PCDH15: variants seen among roughly 807,000 people sequenced by gnomAD.
PCDH15 encodes the protein protocadherin-15.
A neutral mutation model predicts 178.5 loss-of-function variants in PCDH15; 129 were observed. The ratio of observed to expected loss-of-function variants is 0.72; its 90% CI spans 0.63 to 0.84. PCDH15 has a LOEUF of 0.84. Ranked by LOEUF, PCDH15 falls within the 40% of genes least tolerant of loss-of-function variation. The pLI, the probability that PCDH15 is intolerant of heterozygous loss-of-function variation, is 0.00. For missense variants in PCDH15, 2,230 were observed against 2,099.9 expected (o/e 1.06, Z -1.21); for synonymous variants, 800 against 732.0 (o/e 1.09, Z -1.50).
chr10:54,299,483 T>G (rs965821140), intron 8 of PCDH15, among the ~76,000 whole-genome samples: 3 of 152,248 alleles, frequency 2.0e-5, no homozygotes, highest in African/African-American at 7.2e-5. Flanking sequence ...TGTAACCCTA[T>G]AACACTCCAA....
At chr10:54,022,830 C>A in intron 19 of PCDH15, 62 bp downstream of exon 19, 1 of 1,572,718 alleles carries the variant, frequency 6.4e-7, no homozygotes, top group Non-Finnish European at 8.7e-7. Context: ...TTTTGGCACA[C>A]AAACCCTAAT....
chr10:55,269,415 T>C (rs1416834936), intron 1 of PCDH15, among the ~76,000 whole-genome samples: 2 of 152,108 alleles, frequency 1.3e-5, no homozygotes, highest in African/African-American at 4.8e-5. Flanking sequence ...CTAGAATGGA[T>C]AAAAGATTTT....
intron 5 of PCDH15, among the ~76,000 whole-genome samples, chr10:54,350,245 C>T (rs1943951687): frequency 6.6e-6 from 1 of 152,044 alleles, no homozygotes; most frequent in African/African-American, 2.4e-5. Context: ...AAAAATTTCT[C>T]CCTAATTTCA....
chr10:55,275,664 T>C (rs1842573848), intron 1 of PCDH15, among the ~76,000 whole-genome samples: 1 of 151,724 alleles, frequency 6.6e-6, no homozygotes, highest in South Asian at 2.1e-4. Flanking sequence ...GTAATCACTA[T>C]ATCTTTATTA....
At chr10:55,582,628 A>ATATATATATATTT (rs780312007) in intron 2 of PCDH15, among the ~76,000 whole-genome samples, 28 of 69,032 alleles carry the variant, frequency 4.1e-4, no homozygotes, top group African/African-American at 1.9e-3. Flanking sequence ...ATATATATAT[A>ATATATATATATTT]TTTTTTTTTT....
chr10:54,738,500 G>T (rs1231695169), intron 1 of PCDH15, among the ~76,000 whole-genome samples: 2 of 151,886 alleles, frequency 1.3e-5, no homozygotes, highest in Non-Finnish European at 2.9e-5. Context: ...ACTAATAAAA[G>T]TTCTACTCAA....
chr10:54,781,852 G>T (rs904325697), intron 1 of PCDH15, among the ~76,000 whole-genome samples: 4 of 152,072 alleles, frequency 2.6e-5, no homozygotes, highest in Admixed American at 6.6e-5. Flanking sequence ...TTTCAAACAC[G>T]AGGTTCCTGC....
At chr10:55,621,654 A>T (rs1256001780) in intron 2 of PCDH15, among the ~76,000 whole-genome samples, 1 of 152,134 alleles carries the variant, frequency 6.6e-6, no homozygotes, top group Non-Finnish European at 1.5e-5. Context: ...TGATGATGTG[A>T]AGTGGAAGAG....
rs140327476 is a variant in PCDH15 at position 55,265,724 on chromosome 10, T to G, written c.-156+53875A>C. ...TTTGCTGAAAACCCCACTGCCTTCC[T>G]GGAAAAGCTAAGAGAGGCCTTGGTA... On this transcript the variant is annotated intron_variant, in intron 1 of 5. Coordinates refer to the PCDH15 transcript ENST00000458638. Among the ~76,000 whole-genome samples, 912 of 152,188 alleles carry G rather than the reference T, an allele frequency of 6.0e-3. 11 individuals carry two copies. Among genetic ancestry groups the G allele is most frequent in the African/African-American group, 0.02 (810 of 41,516 alleles).
At chr10:53,810,690 A>ACAGTT in intron 36 of PCDH15, 26 bp from the exon 37 acceptor site, 2 of 1,577,854 alleles carry the variant, frequency 1.3e-6, no homozygotes, top group South Asian at 2.2e-5. Context: ...ACATCTTTAA[A>ACAGTT]CAGTTTGTCA....
intron 2 of PCDH15, among the ~76,000 whole-genome samples, chr10:55,464,642 ATATATATATATATGTG>A (rs1283932660): frequency 1.2e-4 from 17 of 142,866 alleles, no homozygotes; most frequent in African/African-American, 3.2e-4. Flanking sequence ...ATATATATAT[ATATATATATATATGTG>A]TGTGTGTGTG....
intron 3 of PCDH15, among the ~76,000 whole-genome samples, chr10:54,832,909 A>T (rs1953249619): frequency 6.6e-6 from 1 of 152,194 alleles, no homozygotes; most frequent in South Asian, 2.1e-4. Flanking sequence ...TCTAGATTTT[A>T]TGTAACATTT....
In PCDH15 at chr10:55,210,618, CTTTTTTTTTTTTTTTTTTTT is replaced by C. The variant is rs11412877; in HGVS notation, c.-155-43987_-155-43968del. ...ACGATTTTTTTTTCTTTTTTCTTTT[CTTTTTTTTTTTTTTTTTTTT>C]TTTTTTTTTTTGACGGAATCTCGCT... On this transcript the variant is annotated intron_variant, in intron 1 of 5. Coordinates refer to the PCDH15 transcript ENST00000458638. Among the ~76,000 whole-genome samples, 7 of 40,344 alleles carry C rather than the reference CTTTTTTTTTTTTTTTTTTTT, an allele frequency of 1.7e-4. No individual in the cohort carries two copies. The East Asian group carries it at 5.1e-3, about 29-fold the overall frequency. 26.5% of individuals were successfully genotyped at this position (40,344 alleles called of 152,430 possible).
At chr10:55,323,970 TG>T (rs1446731403), upstream of PCDH15, among the ~76,000 whole-genome samples, 1 of 152,106 alleles carries the variant, frequency 6.6e-6, no homozygotes, top group Non-Finnish European at 1.5e-5. Flanking sequence ...AATTGAATCA[TG>T]GGGGATGTTT....
intron 3 of PCDH15, among the ~76,000 whole-genome samples, chr10:54,888,843 A>G (rs1410040157): frequency 6.8e-6 from 1 of 146,826 alleles, no homozygotes; most frequent in Non-Finnish European, 1.5e-5. Flanking sequence ...GTTTTTGTAC[A>G]TGCTAAATGA....
At chr10:54,410,648 G>A (rs1341101457) in intron 3 of PCDH15, among the ~76,000 whole-genome samples, 2 of 152,024 alleles carry the variant, frequency 1.3e-5, no homozygotes, top group East Asian at 1.9e-4. Context: ...TCTCATTCAC[G>A]TTTTGATGAA....
intron 5 of PCDH15, among the ~76,000 whole-genome samples, chr10:54,356,820 G>A (rs1049330495): frequency 1.3e-5 from 2 of 152,104 alleles, no homozygotes; most frequent in African/African-American, 4.8e-5. Context: ...CCATGATCAA[G>A]TGGGATTCAT....
chr10:54,511,338 G>C (rs2081634131), intron 3 of PCDH15, among the ~76,000 whole-genome samples: 1 of 151,960 alleles, frequency 6.6e-6, no homozygotes, highest in South Asian at 2.1e-4. Context: ...CTCTAATTTG[G>C]CTTCATGGAT....
chr10:54,519,614 T>C (rs1005073589), intron 3 of PCDH15, among the ~76,000 whole-genome samples: 1 of 152,074 alleles, frequency 6.6e-6, no homozygotes, highest in Non-Finnish European at 1.5e-5. Flanking sequence ...GAAGAATCAA[T>C]ATTGTGAAAA....
Sources: gnomAD v4.1 joint callset for allele counts (sites outside exome capture counted in the v4.1 genomes callset) on GRCh38, gnomAD v4.1.1 for gene constraint, MANE v1.5 for transcripts, NCBI Gene and HGNC (gene_info 2026-07-23, HGNC 2026-07-21) for gene names.